The following EEF1AKMT2 variants were observed in gnomAD, a reference collection of about 807,000 sequenced individuals.
EEF1AKMT2 encodes the protein eukaryotic translation elongation factor 1 alpha lysine methyltransferase 2.
Under a neutral mutation model 35.8 loss-of-function variants are expected in EEF1AKMT2, and 32 were observed. The ratio of observed to expected loss-of-function variants is 0.89; its 90% CI spans 0.67 to 1.20. The LOEUF (loss-of-function observed/expected upper bound fraction) is 1.20. Ranked by LOEUF, EEF1AKMT2 falls within the 50% of genes most tolerant of loss-of-function variation. The pLI, the probability that EEF1AKMT2 is intolerant of heterozygous loss-of-function variation, is 0.00. For missense variants in EEF1AKMT2, 330 were observed against 347.5 expected (o/e 0.95, Z 0.40); for synonymous variants, 121 against 133.7 (o/e 0.91, Z 0.65).
At chr10:124,779,191 C>T (rs1177109957) in intron 3 of EEF1AKMT2, among the ~76,000 whole-genome samples, 1 of 152,042 alleles carries the variant, frequency 6.6e-6, no homozygotes, top group East Asian at 1.9e-4. Context: ...AATGCAACAG[C>T]GTGATCACAG....
rs1002165525 is a variant in EEF1AKMT2, at chr10:124,762,414, G to C, written c.761C>G (p.Thr254Arg). Residue 254 changes from threonine to arginine, a missense_variant, in exon 6 of 7, where the codon ACG becomes AGG. Coordinates refer to ENST00000368836, the MANE Select transcript of EEF1AKMT2 (RefSeq NM_212554.4). ...AWIIFVFLAE[T>R]RFCHVVQAGL... ...AGCCTGGACAACATGGCAAAACCTC[G>C]TCTCTGCTAAAAATACAAAAATTAT... 7.7e-7 allele frequency: 1 copy of C among 1,298,200 alleles called. No homozygotes were observed. Among genetic ancestry groups the C allele is most frequent in the South Asian group, 1.2e-5 (1 of 80,308 alleles). The allele number at this position is 1,298,200 out of a possible 1,614,324, so 80.4% of individuals were successfully genotyped here. A position where few individuals can be genotyped will look rare whatever the true frequency, so the allele number is the denominator to read the frequency against.
intron 4 of EEF1AKMT2, among the ~76,000 whole-genome samples, chr10:124,770,104 G>A (rs1427897938): frequency 6.6e-6 from 1 of 151,882 alleles, no homozygotes; most frequent in Non-Finnish European, 1.5e-5. Context: ...TCAACATGAT[G>A]AAATCTCGTC....
chr10:124,772,420 C>CTTTTTTTTTTTTTTT (rs59707540), intron 4 of EEF1AKMT2, among the ~76,000 whole-genome samples: 2 of 75,412 alleles, frequency 2.7e-5, no homozygotes, highest in African/African-American at 5.2e-5. Context: ...TTTTCTTTTT[C>CTTTTTTTTTTTTTTT]TTTTTTTTTT....
In EEF1AKMT2 at chr10:124,790,469, C is replaced by T. The variant is rs1357343636; in HGVS notation, c.111-131G>A. On this transcript the variant is annotated intron_variant, in intron 1 of 6. Coordinates refer to ENST00000368836, the MANE Select transcript of EEF1AKMT2 (RefSeq NM_212554.4). The stretch of plus-strand genomic sequence containing the variant: ...ACATCACTAGTGTTATTAATAAATA[C>T]ACATAGTTCAATCTTTTAACGTCCT... 3 of 668,588 alleles carry T rather than the reference C, an allele frequency of 4.5e-6. No homozygotes were observed. In the East Asian group the frequency reaches 8.3e-5, roughly 18 times the overall value. 41.4% of individuals were successfully genotyped at this position (668,588 alleles called of 1,614,324 possible).
intron 3 of EEF1AKMT2, among the ~76,000 whole-genome samples, chr10:124,785,307 AAC>A (rs1425767051): frequency 2.6e-5 from 4 of 152,006 alleles, no homozygotes; most frequent in African/African-American, 9.7e-5. Context: ...TTTAAACAAA[AAC>A]ACAGAAGAAG....
chr10:124,762,454 G>T lies in EEF1AKMT2; in HGVS notation c.721C>A (p.His241Asn). 2 of 1,301,402 alleles carry T rather than the reference G, an allele frequency of 1.5e-6. No individual in the cohort carries two copies. The highest frequency in any genetic ancestry group is 2.0e-6 in the Non-Finnish European group (2 of 986,446). 80.6% of individuals were successfully genotyped at this position (1,301,402 alleles called of 1,614,324 possible). Reference sequence around the variant, plus strand: ...ACAAAAATTATCCAGGCATGATGATGTGTGCCTGTAGTTCCACCTACTCGG... The same window carrying T: ...ACAAAAATTATCCAGGCATGATGATTTGTGCCTGTAGTTCCACCTACTCGG... ...ASRVGGTTGTHHHAWIIFVFL... is the reference protein window; with the variant it reads ...ASRVGGTTGTNHHAWIIFVFL... Residue 241 changes from histidine to asparagine, a missense_variant, in exon 6 of 7, where the codon CAT becomes AAT. By Grantham distance (68) the His-to-Asn change is moderately conservative (BLOSUM62 1). Transcript: ENST00000368836.
At position 124,760,303 on chromosome 10, in the gene EEF1AKMT2, A is replaced by G. The variant is rs1950319759; in HGVS notation, c.*200T>C. The G allele has an allele frequency of 1.4e-5, 9 of 660,862 alleles. No individual in the cohort carries two copies. The South Asian group carries it at 1.6e-4, about 12-fold the overall frequency. The allele number at this position is 660,862 out of a possible 1,614,324, so 40.9% of individuals were successfully genotyped here. A position where few individuals can be genotyped will look rare whatever the true frequency, so the allele number is the denominator to read the frequency against. On this transcript the variant is annotated 3_prime_UTR_variant, in exon 7 of 7. Transcript: ENST00000368836. ...CCAGTATACTCTATTCAACATGTGC[A>G]TCCTGTGTACTTACTAAGCATTTAT...
chr10:124,757,164 TCCCACA>T (rs1554915170), downstream of EEF1AKMT2, among the ~76,000 whole-genome samples: 3 of 98,034 alleles, frequency 3.1e-5, no homozygotes, highest in Non-Finnish European at 5.9e-5. Context: ...CAACACTCCC[TCCCACA>T]CACACACACA....
chr10:124,760,887 T>A lies in EEF1AKMT2; in HGVS notation c.*-384A>T, dbSNP rs570888519. Among the ~76,000 whole-genome samples, 5 of 152,376 alleles carry A rather than the reference T, an allele frequency of 3.3e-5. No homozygotes were observed. In the East Asian group the frequency reaches 7.7e-4, roughly 23 times the overall value. On this transcript the variant is annotated intron_variant, in intron 6 of 6. Transcript: ENST00000368836. ...TTTTTTTGTTTGTTTGTTTGCTTTT[T>A]GAGACGGAGTCTCACTCCATCACCG...
chr10:124,791,870 T>A lies in EEF1AKMT2; in HGVS notation c.-37A>T. Reference sequence around the variant, plus strand: ...TCCTGGACGGCCGTTGGGGCCGCCATAGAGACGGGGCACAGGCAGAGCGGA... The same window carrying A: ...TCCTGGACGGCCGTTGGGGCCGCCAAAGAGACGGGGCACAGGCAGAGCGGA... On this transcript the variant is annotated 5_prime_UTR_variant, in exon 1 of 7. It removes an upstream start codon present in the reference 5' UTR. Coordinates refer to ENST00000368836, the MANE Select transcript of EEF1AKMT2 (RefSeq NM_212554.4). The A allele has an allele frequency of 6.5e-7, 1 of 1,535,518 alleles. No individual in the cohort carries two copies. The highest frequency in any genetic ancestry group is 8.7e-7 in the Non-Finnish European group (1 of 1,146,714).
At chr10:124,757,166 CCA>C (rs55709011), downstream of EEF1AKMT2, among the ~76,000 whole-genome samples, 42,368 of 142,956 alleles carry the variant, frequency 0.3, 6,171 homozygotes, top group South Asian at 0.35. Flanking sequence ...ACACTCCCTC[CCA>C]CACACACACA....
At chr10:124,786,996 T>C (rs1346251379) in intron 3 of EEF1AKMT2, among the ~76,000 whole-genome samples, 4 of 151,682 alleles carry the variant, frequency 2.6e-5, no homozygotes, top group African/African-American at 9.7e-5. Context: ...AGTCTCACTC[T>C]GTCGCCCAGG....
chr10:124,785,619 C>T (rs967472429), intron 3 of EEF1AKMT2, among the ~76,000 whole-genome samples: 1 of 152,088 alleles, frequency 6.6e-6, no homozygotes, highest in Non-Finnish European at 1.5e-5. Context: ...ACAGGCCAGG[C>T]GTGGTGGCTC....
chr10:124,765,631 T>C lies in EEF1AKMT2; in HGVS notation c.400-23A>G, dbSNP rs756582569. On this transcript the variant is annotated intron_variant, in intron 4 of 6. Coordinates refer to ENST00000368836, the MANE Select transcript of EEF1AKMT2 (RefSeq NM_212554.4). The stretch of plus-strand genomic sequence containing the variant: ...TACCTATATTAAAAGTCAATGTCTA[T>C]GTGAGAACAATTAAAACAAAATCCT... The C allele has an allele frequency of 1.5e-5, 24 of 1,573,170 alleles. 1 individual carries two copies. In the South Asian group the frequency reaches 1.9e-4, roughly 13 times the overall value.
chr10:124,786,816 AAAAG>A lies in EEF1AKMT2; in HGVS notation c.291+2223_291+2226del, dbSNP rs1324498688. On this transcript the variant is annotated intron_variant, in intron 3 of 6. Transcript: ENST00000368836. ...CAGAGTGAAACTCCATCTCAAAAAA[AAAAG>A]AAAGAAAAAGAAAAGAAAATAATCT... Among the ~76,000 whole-genome samples, 8 of 152,268 alleles carry A rather than the reference AAAAG, an allele frequency of 5.3e-5. No individual in the cohort carries two copies. The South Asian group carries it at 1.7e-3, about 32-fold the overall frequency.
intron 4 of EEF1AKMT2, among the ~76,000 whole-genome samples, chr10:124,774,445 A>G (rs936636776): frequency 6.9e-6 from 1 of 145,198 alleles, no homozygotes; most frequent in African/African-American, 2.5e-5. Context: ...GTTAAGTATT[A>G]TGTGTATTTG....
chr10:124,785,125 T>A (rs552663506), intron 3 of EEF1AKMT2, among the ~76,000 whole-genome samples: 104 of 151,030 alleles, frequency 6.9e-4, no homozygotes, highest in African/African-American at 2.4e-3. Flanking sequence ...TGCGCTCCTG[T>A]AGCCCCAGCT....
intron 6 of EEF1AKMT2, among the ~76,000 whole-genome samples, chr10:124,761,734 G>A (rs1354858576): frequency 1.3e-5 from 2 of 152,092 alleles, no homozygotes; most frequent in African/African-American, 4.8e-5. Flanking sequence ...GACCAGCCGG[G>A]GCAACATGGC....
intron 4 of EEF1AKMT2, chr10:124,766,409 T>C (rs888649240): frequency 2.6e-5 from 4 of 152,218 alleles, no homozygotes; most frequent in Non-Finnish European, 4.4e-5. Context: ...CTGTAATTAC[T>C]TCAGTTGGAG....
Sources: allele counts gnomAD v4.1 joint callset (sites outside exome capture counted in the v4.1 genomes callset), GRCh38; gene constraint gnomAD v4.1.1; transcripts MANE v1.5; gene names NCBI Gene and HGNC (gene_info 2026-07-23, HGNC 2026-07-21).